The following OR2M3 variants were observed in gnomAD, a reference collection of about 807,000 sequenced individuals.
OR2M3 encodes the protein olfactory receptor 2M3.
Under a neutral mutation model 4.3 loss-of-function variants are expected in OR2M3, and 1 was observed. The observed-to-expected ratio is 0.23, with a 90% CI of 0.08 to 1.11. The LOEUF is 1.11. Ranked by LOEUF, OR2M3 falls within the 50% of genes most tolerant of loss-of-function variation. OR2M3 has a pLI of 0.54. For synonymous variants in OR2M3, 151 were observed against 139.4 expected, an observed-to-expected ratio of 1.08 and a Z score of -0.59; for missense variants, 410 against 390.4, an observed-to-expected ratio of 1.05 and a Z score of -0.42.
Position 248,209,342 on chromosome 1 carries a change from C to G in OR2M3, c.*5336C>G, listed in dbSNP as rs1446358930. Reference sequence around the variant, plus strand: ...TCAGAGATTTCCTCTTCGTTTGGATCCATTGGTGGTGAACTGGTGTGATCT... The same window carrying G: ...TCAGAGATTTCCTCTTCGTTTGGATGCATTGGTGGTGAACTGGTGTGATCT... On this transcript the variant is annotated 3_prime_UTR_variant, in exon 2 of 2. Coordinates refer to ENST00000641626, the MANE Select transcript of OR2M3 (RefSeq NM_001004689.2). The G allele has an allele frequency of 6.6e-6, 1 of 152,092 alleles. No homozygotes were observed. The highest frequency in any genetic ancestry group is 1.5e-5 in the Non-Finnish European group (1 of 68,022). The allele number at this position is 152,092 out of a possible 1,614,324, so 9.4% of individuals were successfully genotyped here. A position where few individuals can be genotyped will look rare whatever the true frequency, so the allele number is the denominator to read the frequency against.
intron 1 of OR2M3, among the ~76,000 whole-genome samples, chr1:248,197,559 C>T (rs537039244): frequency 2.4e-4 from 36 of 152,196 alleles, no homozygotes; most frequent in African/African-American, 7.9e-4. Context: ...TTTGTTTTTC[C>T]ATGTCCTGGT....
rs1262480167 is a variant in OR2M3, at chr1:248,209,933, G to GAT, written c.*5929_*5930dup. The GAT allele has an allele frequency of 3.3e-5, 5 of 152,214 alleles. No homozygotes were observed. Among genetic ancestry groups the GAT allele is most frequent in the African/African-American group, 1.2e-4 (5 of 41,414 alleles). 9.4% of individuals were successfully genotyped at this position (152,214 alleles called of 1,614,324 possible). A position where few individuals can be genotyped will look rare whatever the true frequency, so the allele number is the denominator to read the frequency against. On this transcript the variant is annotated 3_prime_UTR_variant, in exon 2 of 2. Transcript: ENST00000641626. Reference sequence around the variant, plus strand: ...ACGTTTGTCTTCAGCTACCAAGGTGGATAGAGAAAGACCACCAGGTCAGGG... The same window carrying GAT: ...ACGTTTGTCTTCAGCTACCAAGGTGGATATAGAGAAAGACCACCAGGTCAGGG...
Position 248,198,311 on chromosome 1 carries a change from A to G in OR2M3, c.-19+1010A>G, listed in dbSNP as rs542229538. Among the ~76,000 whole-genome samples, 27 of 152,270 alleles carry G rather than the reference A, an allele frequency of 1.8e-4. 1 individual carries two copies. Among genetic ancestry groups the G allele is most frequent in the Middle Eastern group, 3.4e-3 (1 of 294 alleles). On this transcript the variant is annotated intron_variant, in intron 1 of 1. Transcript: ENST00000641626. ...GTTTAAATTACTCATAATAGGATTC[A>G]TGAGGGCATTCCTTGTGATCTACTT...
At position 248,205,565 on chromosome 1, in the gene OR2M3, C is replaced by A. The variant is rs1452826320; in HGVS notation, c.*1559C>A. 2.0e-5 allele frequency: 3 copies of A among 152,048 alleles called. No homozygotes were observed. The East Asian group carries it at 5.8e-4, about 29-fold the overall frequency. The allele number at this position is 152,048 out of a possible 1,614,324, so 9.4% of individuals were successfully genotyped here. A position where few individuals can be genotyped will look rare whatever the true frequency, so the allele number is the denominator to read the frequency against. The stretch of plus-strand genomic sequence containing the variant: ...GAATATGGTGTTCTTTCCCCCACTT[C>A]ATGTTTTTGTTTGTGTTGTTGAAGA... On this transcript the variant is annotated 3_prime_UTR_variant, in exon 2 of 2. Coordinates refer to ENST00000641626, the MANE Select transcript of OR2M3 (RefSeq NM_001004689.2).
At chr1:248,200,112 C>G (rs1304444384) in intron 1 of OR2M3, among the ~76,000 whole-genome samples, 1 of 152,028 alleles carries the variant, frequency 6.6e-6, no homozygotes, top group Non-Finnish European at 1.5e-5. Flanking sequence ...TAGGAACAAG[C>G]TAACTTGACA....
chr1:248,202,102 T>C (rs1463934123), intron 1 of OR2M3, among the ~76,000 whole-genome samples: 2 of 152,174 alleles, frequency 1.3e-5, no homozygotes, highest in African/African-American at 2.4e-5. Context: ...TCTCTCACAG[T>C]TTTGGAGGCT....
rs1425798789 is a variant in OR2M3, at chr1:248,203,616, C to A, written c.549C>A (p.Ser183=). 6.2e-7 allele frequency: 1 copy of A among 1,613,822 alleles called. No homozygotes were observed. Among genetic ancestry groups the A allele is most frequent in the South Asian group, 1.1e-5 (1 of 91,048 alleles). ...EIAHFFCDFP[S]LLILSCSDTS... Reference sequence around the variant, plus strand: ...CCCACTTCTTCTGTGACTTCCCCTCCCTACTAATCCTCTCATGCAGTGACA... The same window carrying A: ...CCCACTTCTTCTGTGACTTCCCCTCACTACTAATCCTCTCATGCAGTGACA... The change falls in exon 2 of 2, where the codon TCC becomes TCA. Residue 183 remains serine (S), a synonymous_variant. Coordinates refer to ENST00000641626, the MANE Select transcript of OR2M3 (RefSeq NM_001004689.2).
intron 1 of OR2M3, among the ~76,000 whole-genome samples, chr1:248,201,032 C>T (rs1243773289): frequency 6.6e-6 from 1 of 152,080 alleles, no homozygotes; most frequent in Non-Finnish European, 1.5e-5. Flanking sequence ...AGTCTACTCA[C>T]CAGGCTTCTT....
Position 248,207,468 on chromosome 1 carries a change from T to G in OR2M3, c.*3462T>G, listed in dbSNP as rs945369747. On this transcript the variant is annotated 3_prime_UTR_variant, in exon 2 of 2. Coordinates refer to ENST00000641626, the MANE Select transcript of OR2M3 (RefSeq NM_001004689.2). ...ATGGAATGAACTTTCCTCTTAGCAC[T>G]GCTTTTGCTGTATCCCAGAAGTTTT... 6.6e-6 allele frequency: 1 copy of G among 152,108 alleles called. No individual in the cohort carries two copies. Among genetic ancestry groups the G allele is most frequent in the South Asian group, 2.1e-4 (1 of 4,836 alleles). 9.4% of individuals were successfully genotyped at this position (152,108 alleles called of 1,614,324 possible).
intron 1 of OR2M3, among the ~76,000 whole-genome samples, chr1:248,202,505 T>G (rs547190689): frequency 9.8e-5 from 15 of 152,316 alleles, no homozygotes; most frequent in Non-Finnish European, 2.2e-4. Flanking sequence ...TTTGTATAAT[T>G]GAAAATCTTT....
In OR2M3 at chr1:248,205,869, T is replaced by C. The variant is rs1188763599; in HGVS notation, c.*1863T>C. ...GTGGGAATTGCATTGAATTTGTAAA[T>C]TGCTTTTGGCAGCATGGTCATTTTT... On this transcript the variant is annotated 3_prime_UTR_variant, in exon 2 of 2. Transcript: ENST00000641626. 1 of 152,132 alleles carries C rather than the reference T, an allele frequency of 6.6e-6. No individual in the cohort carries two copies. The highest frequency in any genetic ancestry group is 2.4e-5 in the African/African-American group (1 of 41,428). The allele number at this position is 152,132 out of a possible 1,614,324, so 9.4% of individuals were successfully genotyped here. A position where few individuals can be genotyped will look rare whatever the true frequency, so the allele number is the denominator to read the frequency against.
rs1309008272 is a variant in OR2M3 at position 248,203,544 on chromosome 1, T to C, written c.477T>C (p.Asp159=). 24 of 1,613,730 alleles carry C rather than the reference T, an allele frequency of 1.5e-5. No individual in the cohort carries two copies. The highest frequency in any genetic ancestry group is 1.5e-5 in the Non-Finnish European group (18 of 1,179,834). Residue 159 remains aspartate (D), a synonymous_variant, in exon 2 of 2, where the codon GAT becomes GAC. Coordinates refer to ENST00000641626, the MANE Select transcript of OR2M3 (RefSeq NM_001004689.2). ...TGGGCTCTACGGATGGAATTATTGA[T>C]GTTGTAGCAACATTTTCCTTCTCCT... ...WILGSTDGII[D]VVATFSFSYC...
Position 248,207,048 on chromosome 1 carries a change from G to A in OR2M3, c.*3042G>A, listed in dbSNP as rs1343376727. On this transcript the variant is annotated 3_prime_UTR_variant, in exon 2 of 2. Transcript: ENST00000641626. ...TTTTTTAATCCAGGAGGGTTGTATA[G>A]TTCCAGGAATTTGGTTATCTCTTCC... 6.6e-6 allele frequency: 1 copy of A among 151,784 alleles called. No homozygotes were observed. Among genetic ancestry groups the A allele is most frequent in the Non-Finnish European group, 1.5e-5 (1 of 67,856 alleles). The allele number at this position is 151,784 out of a possible 1,614,324, so 9.4% of individuals were successfully genotyped here.
At chr1:248,202,971 A>G in intron 1 of OR2M3, 79 bp from the exon 2 acceptor site, 3 of 1,288,372 alleles carry the variant, frequency 2.3e-6, no homozygotes, top group Non-Finnish European at 2.2e-6. Context: ...ACCCAACTAC[A>G]GAAGTTACCA....
In OR2M3 at chr1:248,205,952, T is replaced by C. The variant is rs953256864; in HGVS notation, c.*1946T>C. 3 of 152,142 alleles carry C rather than the reference T, an allele frequency of 2.0e-5. No individual in the cohort carries two copies. Among genetic ancestry groups the C allele is most frequent in the African/African-American group, 7.2e-5 (3 of 41,432 alleles). 9.4% of individuals were successfully genotyped at this position (152,142 alleles called of 1,614,324 possible). ...GATGTATTTCCATTTATTTGTGTTG[T>C]CAATGATTTTTTTCAGCAGTGTTTT... On this transcript the variant is annotated 3_prime_UTR_variant, in exon 2 of 2. Coordinates refer to ENST00000641626, the MANE Select transcript of OR2M3 (RefSeq NM_001004689.2).
In OR2M3 at chr1:248,203,822, A is replaced by G. The variant is rs1454024307; in HGVS notation, c.755A>G (p.Tyr252Cys). 3 of 1,613,206 alleles carry G rather than the reference A, an allele frequency of 1.9e-6. No individual in the cohort carries two copies. Among genetic ancestry groups the G allele is most frequent in the East Asian group, 2.2e-5 (1 of 44,874 alleles). ...CACCTCTTGGTGGTGGGAATGTACT[A>G]TGGAGCAGCTTTGTTCATGTACATA... Reference protein sequence around the residue: ...SSHLLVVGMYYGAALFMYIRP... With the variant: ...SSHLLVVGMYCGAALFMYIRP... The change falls in exon 2 of 2, where the codon TAT becomes TGT. Residue 252 changes from tyrosine (Y) to cysteine (C), a missense_variant. Transcript: ENST00000641626.
At position 248,203,944 on chromosome 1, in the gene OR2M3, C is replaced by G. The variant is rs116642815; in HGVS notation, c.877C>G (p.Arg293Gly). 6.2e-7 allele frequency: 1 copy of G among 1,613,768 alleles called. No homozygotes were observed. The change falls in exon 2 of 2, where the codon CGC becomes GGC. Residue 293 changes from arginine to glycine, a missense_variant. Coordinates refer to ENST00000641626, the MANE Select transcript of OR2M3 (RefSeq NM_001004689.2). ...PMLNPLIYSL[R>G]NKEVTRAFMK... is the part of the protein sequence containing the mutation. ...GTTGAATCCCCTCATCTACAGCCTC[C>G]GCAACAAGGAGGTGACCAGAGCATT...
At chr1:248,202,740 A>C (rs1666171669) in intron 1 of OR2M3, among the ~76,000 whole-genome samples, 1 of 149,264 alleles carries the variant, frequency 6.7e-6, no homozygotes, top group African/African-American at 2.4e-5. Context: ...ATTTTATAGG[A>C]ACTATCTGTT....
rs1416956553 is a variant in OR2M3, at chr1:248,211,198, T to G, written c.*7192T>G. ...GTCATTTTTATTTTGGGGGGACTCT[T>G]GGAGATGCTGCTGTGACTTCAACCC... On this transcript the variant is annotated 3_prime_UTR_variant, in exon 2 of 2. Transcript: ENST00000641626. The G allele has an allele frequency of 6.6e-6, 1 of 152,120 alleles. No individual in the cohort carries two copies. The highest frequency in any genetic ancestry group is 1.9e-4 in the East Asian group (1 of 5,188). The allele number at this position is 152,120 out of a possible 1,614,324, so 9.4% of individuals were successfully genotyped here. A position where few individuals can be genotyped will look rare whatever the true frequency, so the allele number is the denominator to read the frequency against.
Sources: allele counts gnomAD v4.1 joint callset (sites outside exome capture counted in the v4.1 genomes callset), GRCh38; gene constraint gnomAD v4.1.1; transcripts MANE v1.5; gene names NCBI Gene and HGNC (gene_info 2026-07-23, HGNC 2026-07-21).